SLIT1: variants seen among roughly 807,000 people sequenced by gnomAD.
The protein encoded by SLIT1 is slit guidance ligand 1, also known as slit homolog 1 protein.
Under a neutral mutation model 186.1 loss-of-function variants are expected in SLIT1, and 66 were observed. The ratio of observed to expected loss-of-function variants is 0.35; its 90% CI spans 0.29 to 0.44. The LOEUF is 0.44. SLIT1 is among the 20% of genes least tolerant of loss of function. The pLI is 1.00. For missense variants in SLIT1, 1,638 were observed against 2,037.4 expected (o/e 0.80, Z 3.77); for synonymous variants, 761 against 833.8 (o/e 0.91, Z 1.50).
intron 1 of SLIT1, among the ~76,000 whole-genome samples, chr10:97,176,239 A>G (rs1285766299): frequency 1.3e-5 from 2 of 152,066 alleles, no homozygotes; most frequent in African/African-American, 4.8e-5. Context: ...TCCTCCCAGG[A>G]GTGTTATGAG....
chr10:97,021,350 C>T lies in SLIT1; in HGVS notation c.2646G>A (p.Lys882=), dbSNP rs1848500693. The T allele has an allele frequency of 1.2e-6, 2 of 1,614,168 alleles. No individual in the cohort carries two copies. The highest frequency in any genetic ancestry group is 4.5e-5 in the East Asian group (2 of 44,884). ...CHLRWLSSWV[K]TGYKEPGIAR... Reference sequence around the variant, plus strand: ...CAATGCCCGGTTCCTTGTAGCCAGTCTTCACCCAGCTGGACAGCCAGCGGA... The same window carrying T: ...CAATGCCCGGTTCCTTGTAGCCAGTTTTCACCCAGCTGGACAGCCAGCGGA... The change falls in exon 26 of 37, where the codon AAG becomes AAA. Residue 882 remains lysine, a synonymous_variant. Coordinates refer to ENST00000266058, the MANE Select transcript of SLIT1 (RefSeq NM_003061.3). The surrounding 1 kb of genome is among the most constrained non-coding windows in gnomAD (Gnocchi z 4.5).
At chr10:97,135,838 G>A (rs1361201049) in intron 4 of SLIT1, among the ~76,000 whole-genome samples, 1 of 152,180 alleles carries the variant, frequency 6.6e-6, no homozygotes, top group Non-Finnish European at 1.5e-5. Flanking sequence ...CTTCTCTTGG[G>A]CATAGGAGGA....
intron 13 of SLIT1, among the ~76,000 whole-genome samples, chr10:97,050,968 A>C (rs1848780842): frequency 6.6e-6 from 1 of 151,612 alleles, no homozygotes; most frequent in South Asian, 2.1e-4. Context: ...GGAAAGAGAG[A>C]ACACTCAAGA....
At chr10:97,105,019 A>G (rs1849398941) in intron 4 of SLIT1, among the ~76,000 whole-genome samples, 1 of 152,002 alleles carries the variant, frequency 6.6e-6, no homozygotes, top group South Asian at 2.1e-4. Flanking sequence ...TTTTAAATTC[A>G]GCTGAATAAC....
Position 97,013,744 on chromosome 10 carries a change from G to T in SLIT1, c.3200C>A (p.Pro1067His). 6.4e-7 allele frequency: 1 copy of T among 1,550,854 alleles called. No individual in the cohort carries two copies. The highest frequency in any genetic ancestry group is 2.4e-5 in the East Asian group (1 of 40,910). Residue 1067 changes from proline (P) to histidine (H), a missense_variant, in exon 30 of 37, where the codon CCC becomes CAC. Pro to His is a moderately conservative substitution (Grantham distance 77). Coordinates refer to ENST00000266058, the MANE Select transcript of SLIT1 (RefSeq NM_003061.3). Reference sequence around the variant, plus strand: ...CCTGGAAAGGGGCAACACTCACCTGGGCCCATCCGGGGTGCCCACACACTG... The same window carrying T: ...CCTGGAAAGGGGCAACACTCACCTGTGCCCATCCGGGGTGCCCACACACTG... ...EAQCVGTPDG[P>H]RCECMPGYAG... is the part of the protein sequence containing the mutation.
intron 4 of SLIT1, among the ~76,000 whole-genome samples, chr10:97,143,628 A>T (rs1168892114): frequency 6.6e-6 from 1 of 152,174 alleles, no homozygotes; most frequent in Non-Finnish European, 1.5e-5. Context: ...AATTTTAGAA[A>T]AGCCACTATT....
Position 97,001,203 on chromosome 10 carries a change from C to A in SLIT1, c.4514G>T (p.Arg1505Leu), listed in dbSNP as rs565573074. The change falls in exon 37 of 37, where the codon CGG (arginine) becomes CTG (leucine). Residue 1505 changes from arginine to leucine, a missense_variant. Coordinates refer to ENST00000266058, the MANE Select transcript of SLIT1 (RefSeq NM_003061.3). ...QGCCQGLRLKRRKFTFECSDG... is the reference protein window; with the variant it reads ...QGCCQGLRLKLRKFTFECSDG... ...GCTGCACTCAAAGGTGAACTTCCTC[C>A]GCTTCAGCCGAAGGCCCTGGCAGCA... The A allele has an allele frequency of 6.2e-7, 1 of 1,613,262 alleles. No individual in the cohort carries two copies. Among genetic ancestry groups the A allele is most frequent in the South Asian group, 1.1e-5 (1 of 91,086 alleles).
chr10:97,030,728 G>A (rs772193609), intron 25 of SLIT1, 29 bp downstream of exon 25: 4 of 1,572,104 alleles, frequency 2.5e-6, no homozygotes, highest in African/African-American at 2.7e-5. Flanking sequence ...AATCCAAAGA[G>A]GCCCAGAGAA....
At chr10:97,078,981 G>A (rs1849076134) in intron 4 of SLIT1, among the ~76,000 whole-genome samples, 1 of 152,212 alleles carries the variant, frequency 6.6e-6, no homozygotes, top group African/African-American at 2.4e-5. Context: ...GTGGGGGCAG[G>A]GGAGGTGGTG....
intron 23 of SLIT1, among the ~76,000 whole-genome samples, chr10:97,032,462 G>T (rs1025238437): frequency 6.6e-6 from 1 of 151,810 alleles, no homozygotes; most frequent in African/African-American, 2.4e-5. Flanking sequence ...CCAGCTACTC[G>T]AGAGGCTGAG....
At chr10:97,154,894 A>T (rs1849928843) in intron 4 of SLIT1, 1 of 152,334 alleles carries the variant, frequency 6.6e-6, no homozygotes, top group East Asian at 1.9e-4. Context: ...CCTGTAAAAT[A>T]TGAAACCATG....
In SLIT1 at chr10:97,016,222, T is replaced by C. The variant is rs539259949; in HGVS notation, c.2970-2064A>G. Among the ~76,000 whole-genome samples, 13 of 151,998 alleles carry C rather than the reference T, an allele frequency of 8.6e-5. No individual in the cohort carries two copies. In the South Asian group the frequency reaches 2.3e-3, roughly 27 times the overall value. The stretch of plus-strand genomic sequence containing the variant: ...TACTCGGGAGGCTGAGGCAGGAGAA[T>C]TGCTTGAACCCAGGAGGCAGAGGTT... On this transcript the variant is annotated intron_variant, in intron 28 of 36. Transcript: ENST00000266058.
intron 30 of SLIT1, among the ~76,000 whole-genome samples, chr10:97,013,158 C>T (rs770057656): frequency 4.6e-5 from 7 of 152,120 alleles, no homozygotes; most frequent in Non-Finnish European, 7.3e-5. Flanking sequence ...TGAGGCAGCC[C>T]CGTAATCAGA....
rs1848966160 is a variant in SLIT1 at position 97,068,022 on chromosome 10, GGTGGGCTCCT to G, written c.414-1946_414-1937del. On this transcript the variant is annotated intron_variant, in intron 4 of 36. Coordinates refer to ENST00000266058, the MANE Select transcript of SLIT1 (RefSeq NM_003061.3). The surrounding 1 kb of genome is among the most constrained non-coding windows in gnomAD (Gnocchi z 4.2). ...CCCTGAGTCAGAAAGGTAGGAGGCA[GGTGGGCTCCT>G]ACTGCCTACTAGAACTGTGAGAAGG... Among the ~76,000 whole-genome samples the G allele has an allele frequency of 2.6e-5, 4 of 152,234 alleles. No individual in the cohort carries two copies. Among genetic ancestry groups the G allele is most frequent in the Non-Finnish European group, 4.4e-5 (3 of 68,036 alleles).
intron 4 of SLIT1, among the ~76,000 whole-genome samples, chr10:97,073,590 G>A (rs1446259703): frequency 6.6e-6 from 1 of 152,192 alleles, no homozygotes; most frequent in Non-Finnish European, 1.5e-5. Flanking sequence ...GAGATACAGG[G>A]CTGGGGCAGA....
chr10:97,121,555 G>A (rs1305761564), intron 4 of SLIT1, among the ~76,000 whole-genome samples: 1 of 152,236 alleles, frequency 6.6e-6, no homozygotes, highest in African/African-American at 2.4e-5. Flanking sequence ...GGCTCAGAGA[G>A]ATGAAGTAAC....
intron 4 of SLIT1, among the ~76,000 whole-genome samples, chr10:97,141,221 A>C (rs1849754289): frequency 6.6e-6 from 1 of 152,212 alleles, no homozygotes; most frequent in African/African-American, 2.4e-5. Context: ...ACCCTTCAGC[A>C]GCCAGCTCGT....
chr10:97,077,797 G>T (rs1183771605), intron 4 of SLIT1, among the ~76,000 whole-genome samples: 1 of 152,178 alleles, frequency 6.6e-6, no homozygotes, highest in East Asian at 1.9e-4. Flanking sequence ...GTGAGGTCTG[G>T]AGATTTTTTT....
At chr10:97,181,695 A>T (rs1850340589) in intron 1 of SLIT1, among the ~76,000 whole-genome samples, 1 of 152,158 alleles carries the variant, frequency 6.6e-6, no homozygotes, top group African/African-American at 2.4e-5. Flanking sequence ...AAAAGGAAAA[A>T]AAAAGACCAG....
Sources: allele counts gnomAD v4.1 joint callset (sites outside exome capture counted in the v4.1 genomes callset), GRCh38; gene constraint gnomAD v4.1.1; non-coding constraint Gnocchi (gnomAD v3.1); transcripts MANE v1.5; gene names NCBI Gene and HGNC (gene_info 2026-07-23, HGNC 2026-07-21).